NMNAT3: variants seen among roughly 807,000 people sequenced by gnomAD.
The protein encoded by NMNAT3 is nicotinamide/nicotinic acid mononucleotide adenylyltransferase 3.
NMNAT3 carries 21 observed loss-of-function variants against 24.8 expected under a neutral mutation model. The ratio of observed to expected loss-of-function variants is 0.85; its 90% confidence interval spans 0.60 to 1.22. The LOEUF (loss-of-function observed/expected upper bound fraction) is 1.22. NMNAT3 is among the 50% of genes most tolerant of loss of function. NMNAT3 has a pLI of 0.00. For missense variants in NMNAT3, 387 were observed against 436.6 expected (o/e 0.89, Z 1.01); for synonymous variants, 136 against 155.2 (o/e 0.88, Z 0.92).
In NMNAT3 at chr3:139,674,731, A is replaced by T. The variant is rs115905514; in HGVS notation, c.-141+2974T>A. Among the ~76,000 whole-genome samples, 367 of 152,144 alleles carry T rather than the reference A, an allele frequency of 2.4e-3. 1 individual carries two copies. The highest frequency in any genetic ancestry group is 4.6e-3 in the Non-Finnish European group (312 of 67,996). On this transcript the variant is annotated intron_variant, in intron 1 of 6. Transcript: ENST00000643695. ...CAGAGTGCCTTTGCTTCCAGATGGG[A>T]CTCAGTTCAGAATCCATGCCACCCT...
chr3:139,580,904 A>G (rs1940086614), intron 4 of NMNAT3, among the ~76,000 whole-genome samples: 1 of 152,216 alleles, frequency 6.6e-6, no homozygotes, highest in African/African-American at 2.4e-5. Context: ...CTAATTTGAT[A>G]CAACAATAAA....
At chr3:139,589,501 G>A (rs1161058335) in intron 3 of NMNAT3, among the ~76,000 whole-genome samples, 1 of 152,214 alleles carries the variant, frequency 6.6e-6, no homozygotes, top group East Asian at 1.9e-4. Context: ...TCAACAGCAA[G>A]TCTTGAATCC....
At chr3:139,562,724 A>G (rs1187835472) in intron 6 of NMNAT3, among the ~76,000 whole-genome samples, 1 of 152,252 alleles carries the variant, frequency 6.6e-6, no homozygotes, top group Admixed American at 6.5e-5. Context: ...TCCTGGCCTC[A>G]ACTGGGCACA....
intron 3 of NMNAT3, among the ~76,000 whole-genome samples, chr3:139,591,127 C>T (rs1001198367): frequency 6.6e-6 from 1 of 150,848 alleles, no homozygotes; most frequent in African/African-American, 2.4e-5. Context: ...GTGCGCGAGC[C>T]GAAGCAGGGC....
chr3:139,640,589 A>T (rs1415965910), intron 1 of NMNAT3, among the ~76,000 whole-genome samples: 1 of 152,180 alleles, frequency 6.6e-6, no homozygotes, highest in Non-Finnish European at 1.5e-5. Flanking sequence ...AATATCTGGG[A>T]AGGGTGGAAA....
intron 3 of NMNAT3, among the ~76,000 whole-genome samples, chr3:139,617,551 A>G (rs1576658532): frequency 6.6e-6 from 1 of 152,348 alleles, no homozygotes; most frequent in East Asian, 1.9e-4. Flanking sequence ...CACTTAGAGC[A>G]CTACGTGGCA....
intron 3 of NMNAT3, among the ~76,000 whole-genome samples, chr3:139,594,905 A>G (rs1391308222): frequency 2.0e-5 from 3 of 152,244 alleles, no homozygotes; most frequent in Non-Finnish European, 4.4e-5. Flanking sequence ...CGGGCACAAG[A>G]CAGGGATGCC....
At chr3:139,633,589 G>A (rs1433827919) in intron 2 of NMNAT3, among the ~76,000 whole-genome samples, 2 of 152,166 alleles carry the variant, frequency 1.3e-5, no homozygotes, top group East Asian at 1.9e-4. Context: ...GCTGTCAGAA[G>A]GGACCTTCCA....
At chr3:139,569,745 A>G (rs1466319723) in intron 6 of NMNAT3, 2 of 152,164 alleles carry the variant, frequency 1.3e-5, no homozygotes, top group African/African-American at 4.8e-5. Context: ...TTTGAGGGTA[A>G]CCCGACCTTT....
chr3:139,630,967 T>C (rs1192193572), intron 2 of NMNAT3, among the ~76,000 whole-genome samples: 3 of 152,050 alleles, frequency 2.0e-5, no homozygotes, highest in East Asian at 1.9e-4. Context: ...CATTAAAATA[T>C]GTAACAGCAT....
rs370824504 is a variant in NMNAT3 at position 139,677,966 on chromosome 3, G to A, written c.-402C>T. Reference sequence around the variant, plus strand: ...GCTCCCTTAGCGGCCCCGGGCAGATGGAGTCTGAGGGAAACAGATCTGCGC... The same window carrying A: ...GCTCCCTTAGCGGCCCCGGGCAGATAGAGTCTGAGGGAAACAGATCTGCGC... On this transcript the variant is annotated 5_prime_UTR_variant, in exon 1 of 7. Coordinates refer to ENST00000643695, the MANE Select transcript of NMNAT3 (RefSeq NM_001320510.2). 2 of 152,174 alleles carry A rather than the reference G, an allele frequency of 1.3e-5. No homozygotes were observed. Among genetic ancestry groups the A allele is most frequent in the African/African-American group, 2.4e-5 (1 of 41,432 alleles). The allele number at this position is 152,174 out of a possible 1,614,324, so 9.4% of individuals were successfully genotyped here.
At chr3:139,614,241 T>TAA (rs79015886) in intron 3 of NMNAT3, among the ~76,000 whole-genome samples, 3 of 142,374 alleles carry the variant, frequency 2.1e-5, no homozygotes, top group South Asian at 2.2e-4. Context: ...GATATTTTAC[T>TAA]AAAAAAAAAA....
intron 1 of NMNAT3, among the ~76,000 whole-genome samples, chr3:139,657,299 G>A (rs949737459): frequency 2.0e-5 from 3 of 152,258 alleles, no homozygotes; most frequent in African/African-American, 7.2e-5. Context: ...AATGTAATCA[G>A]CATATTAACT....
intron 5 of NMNAT3, among the ~76,000 whole-genome samples, chr3:139,578,286 C>T (rs1939625320): frequency 6.6e-6 from 1 of 152,122 alleles, no homozygotes; most frequent in South Asian, 2.1e-4. Context: ...AAAAAATAAT[C>T]CAGAGTAACT....
intron 2 of NMNAT3, among the ~76,000 whole-genome samples, chr3:139,628,567 G>C (rs940562799): frequency 2.0e-5 from 3 of 152,112 alleles, no homozygotes; most frequent in African/African-American, 7.2e-5. Flanking sequence ...CCTTTATCTG[G>C]GGCCCAAGCA....
intron 1 of NMNAT3, among the ~76,000 whole-genome samples, chr3:139,648,465 G>A: frequency 6.6e-6 from 1 of 152,178 alleles, no homozygotes; most frequent in Non-Finnish European, 1.5e-5. Flanking sequence ...GAGGCTGAAG[G>A]CATGAGAAAA....
intron 1 of NMNAT3, among the ~76,000 whole-genome samples, chr3:139,638,803 TC>T (rs2056597888): frequency 6.6e-6 from 1 of 152,162 alleles, no homozygotes; most frequent in Non-Finnish European, 1.5e-5. Context: ...CCCTGCTTAA[TC>T]CCTTCCCCAC....
Position 139,613,929 on chromosome 3 carries a change from T to C in NMNAT3, c.109+13687A>G, listed in dbSNP as rs1194633058. Among the ~76,000 whole-genome samples, 14 of 151,950 alleles carry C rather than the reference T, an allele frequency of 9.2e-5. No homozygotes were observed. The East Asian group carries it at 2.1e-3, about 23-fold the overall frequency. On this transcript the variant is annotated intron_variant, in intron 3 of 6. Transcript: ENST00000643695. Reference sequence around the variant, plus strand: ...GCATGTTCTCACTCATAGGTGGGAATTGAACAATGAGAACACATGGACACA... The same window carrying C: ...GCATGTTCTCACTCATAGGTGGGAACTGAACAATGAGAACACATGGACACA...
chr3:139,604,689 G>A (rs2054862195), intron 3 of NMNAT3, among the ~76,000 whole-genome samples: 1 of 152,158 alleles, frequency 6.6e-6, no homozygotes, highest in African/African-American at 2.4e-5. Flanking sequence ...CACACTGTCT[G>A]CACATTGTCT....
Sources: allele counts gnomAD v4.1 joint callset (sites outside exome capture counted in the v4.1 genomes callset), GRCh38; gene constraint gnomAD v4.1.1; transcripts MANE v1.5; gene names NCBI Gene and HGNC (gene_info 2026-07-23, HGNC 2026-07-21).